Variants in LHPP observed in about 807,000 individuals in gnomAD.
LHPP encodes phospholysine phosphohistidine inorganic pyrophosphate phosphatase.
A neutral mutation model predicts 30.3 loss-of-function variants in LHPP; 24 were observed. That is an observed-to-expected ratio of 0.79 (90% confidence interval 0.57 to 1.11). LHPP has a LOEUF of 1.11. LHPP is among the 50% of genes most tolerant of loss of function. The pLI, the probability that LHPP is intolerant of heterozygous loss-of-function variation, is 0.00. For missense variants in LHPP, 356 were observed against 367.2 expected (o/e 0.97, Z 0.25); for synonymous variants, 150 against 157.1 (o/e 0.95, Z 0.34).
chr10:124,466,155 GGTCT>G (rs146080773), intron 1 of LHPP, among the ~76,000 whole-genome samples: 3,881 of 152,190 alleles, frequency 0.026, 156 homozygotes, highest in African/African-American at 0.086. Flanking sequence ...GGAGTTTTAG[GGTCT>G]GTCTGTTTAT....
chr10:124,572,800 C>T (rs747027122), intron 6 of LHPP, among the ~76,000 whole-genome samples: 1 of 152,148 alleles, frequency 6.6e-6, no homozygotes, highest in African/African-American at 2.4e-5. Flanking sequence ...TGACCATGGG[C>T]GTCATTTCAT....
At chr10:124,545,272 G>A (rs994884851) in intron 6 of LHPP, among the ~76,000 whole-genome samples, 1 of 152,238 alleles carries the variant, frequency 6.6e-6, no homozygotes, top group African/African-American at 2.4e-5. Context: ...TCTGGAAAGT[G>A]GGGGTGTAGT....
At position 124,613,275 on chromosome 10, in the gene LHPP, A is replaced by G. The variant is rs990695292; in HGVS notation, c.728A>G (p.Glu243Gly). Residue 243 changes from glutamate to glycine, a missense_variant, in exon 7 of 7, where the codon GAG becomes GGG. Physicochemically the swap from Glu to Gly is moderately conservative, Grantham distance 98. Transcript: ENST00000368842. ...VRTGKFRPSD[E>G]HHPEVKADGY... ...GCCATCCTCTCCAGGCCCAGTGACG[A>G]GCACCATCCGGAAGTGAAGGCTGAT... The G allele has an allele frequency of 1.2e-6, 2 of 1,613,274 alleles. No individual in the cohort carries two copies. The highest frequency in any genetic ancestry group is 1.7e-6 in the Non-Finnish European group (2 of 1,179,794).
intron 3 of LHPP, among the ~76,000 whole-genome samples, chr10:124,492,926 G>A (rs956804650): frequency 3.9e-5 from 6 of 152,124 alleles, no homozygotes; most frequent in African/African-American, 1.4e-4. Flanking sequence ...CGTGGCACAC[G>A]CCTATAATCC....
chr10:124,494,923 G>T (rs973723184), intron 3 of LHPP, among the ~76,000 whole-genome samples: 1 of 152,054 alleles, frequency 6.6e-6, no homozygotes, highest in Non-Finnish European at 1.5e-5. Flanking sequence ...TGCCAAGGGG[G>T]ACCAAGGTAA....
chr10:124,560,335 A>C (rs762567914), intron 6 of LHPP, among the ~76,000 whole-genome samples: 1 of 151,988 alleles, frequency 6.6e-6, no homozygotes, highest in Non-Finnish European at 1.5e-5. Context: ...CGTCTCCTCC[A>C]CTCCCATTTT....
intron 1 of LHPP, among the ~76,000 whole-genome samples, chr10:124,467,775 G>T (rs906522500): frequency 6.6e-6 from 1 of 151,580 alleles, no homozygotes; most frequent in Non-Finnish European, 1.5e-5. Flanking sequence ...GAGTGCAGTG[G>T]TATGATCTCG....
intron 6 of LHPP, among the ~76,000 whole-genome samples, chr10:124,519,228 G>A (rs539323824): frequency 1.3e-5 from 2 of 152,322 alleles, no homozygotes; most frequent in African/African-American, 2.4e-5. Context: ...GATTATACGC[G>A]TGAGCCACCG....
chr10:124,469,510 T>TG (rs34239081), intron 1 of LHPP, among the ~76,000 whole-genome samples: 15 of 150,774 alleles, frequency 9.9e-5, no homozygotes, highest in Non-Finnish European at 1.3e-4. Flanking sequence ...GCCCCTGAGG[T>TG]GGGGGGGGCT....
intron 5 of LHPP, among the ~76,000 whole-genome samples, chr10:124,511,812 A>T (rs930886013): frequency 1.3e-5 from 2 of 152,132 alleles, no homozygotes; most frequent in African/African-American, 4.8e-5. Context: ...CTTCAGGCTT[A>T]TATGTGTGTG....
At chr10:124,554,524 C>G (rs1488759607) in intron 6 of LHPP, among the ~76,000 whole-genome samples, 1 of 152,242 alleles carries the variant, frequency 6.6e-6, no homozygotes, top group Non-Finnish European at 1.5e-5. Flanking sequence ...TGGGATATGG[C>G]AGTTTAATAA....
At position 124,586,006 on chromosome 10, in the gene LHPP, AC is replaced by A. The variant is rs1318298108; in HGVS notation, c.717-27257del. Among the ~76,000 whole-genome samples, 85 of 152,090 alleles carry A rather than the reference AC, an allele frequency of 5.6e-4. 2 individuals carry two copies. Among genetic ancestry groups the A allele is most frequent in the Non-Finnish European group, 1.2e-4 (8 of 67,966 alleles). ...TCCATGTTGGCCAGGCTGGTCTCAA[AC>A]TCCTGAACTCAAGTGGTCTGCCTGC... On this transcript the variant is annotated intron_variant, in intron 6 of 6. Transcript: ENST00000368842.
chr10:124,510,396 C>T lies in LHPP; in HGVS notation c.625-6784C>T, dbSNP rs1240868129. Among the ~76,000 whole-genome samples the T allele has an allele frequency of 2.0e-5, 3 of 152,234 alleles. No homozygotes were observed. The highest frequency in any genetic ancestry group is 4.8e-5 in the African/African-American group (2 of 41,456). ...TGCTCCAGGCAGCTGTGCACCCAGC[C>T]GGCCCTGGCGTCCCGGCCCCCAGCC... is the stretch of plus-strand genomic sequence containing the variant. On this transcript the variant is annotated intron_variant, in intron 5 of 6. Transcript: ENST00000368842. The surrounding 1 kb of genome is among the most constrained non-coding windows in gnomAD (Gnocchi z 4.0).
rs942941005 is a variant in LHPP at position 124,510,309 on chromosome 10, C to A, written c.625-6871C>A. On this transcript the variant is annotated intron_variant, in intron 5 of 6. Transcript: ENST00000368842. This position sits in a 1 kb window ranked among gnomAD's most constrained non-coding sequence, Gnocchi z 4.0. ...TTCACCGATAGTAAATCTGGGAATCCCCTGGGGTCCTGAGCGCACTTTGGT... is the reference window on the plus strand; with the variant it reads ...TTCACCGATAGTAAATCTGGGAATCACCTGGGGTCCTGAGCGCACTTTGGT... Among the ~76,000 whole-genome samples, 26 of 152,178 alleles carry A rather than the reference C, an allele frequency of 1.7e-4. No individual in the cohort carries two copies. Among genetic ancestry groups the A allele is most frequent in the African/African-American group, 6.3e-4 (26 of 41,428 alleles).
intron 6 of LHPP, among the ~76,000 whole-genome samples, chr10:124,572,961 G>A (rs571981438): frequency 1.3e-5 from 2 of 152,310 alleles, no homozygotes; most frequent in African/African-American, 4.8e-5. Context: ...CGACACCCAC[G>A]CACTCAGGGC....
In LHPP at chr10:124,576,706, C is replaced by G. The variant is rs1362014926; in HGVS notation, c.717-36558C>G. Among the ~76,000 whole-genome samples, 2 of 152,030 alleles carry G rather than the reference C, an allele frequency of 1.3e-5. No individual in the cohort carries two copies. Among genetic ancestry groups the G allele is most frequent in the South Asian group, 2.1e-4 (1 of 4,822 alleles). On this transcript the variant is annotated intron_variant, in intron 6 of 6. Transcript: ENST00000368842. The surrounding 1 kb of genome is among the most constrained non-coding windows in gnomAD (Gnocchi z 4.2). Reference sequence around the variant, plus strand: ...AGCGAGGGATAGGCAGAGCTGAGGGCGGGGGTACTGGGGGGCTGAGGGGGG... The same window carrying G: ...AGCGAGGGATAGGCAGAGCTGAGGGGGGGGGTACTGGGGGGCTGAGGGGGG...
chr10:124,491,265 G>T lies in LHPP; in HGVS notation c.467+2690G>T, dbSNP rs190406887. 1.6e-4 allele frequency among the ~76,000 whole-genome samples: 25 copies of T among 152,364 alleles called. No homozygotes were observed. The East Asian group carries it at 1.7e-3, about 11-fold the overall frequency. ...GAAGTGTGGGAATTCCGAGGCGGTG[G>T]CGGAGGAAGTGTTTTCCATCTTCGG... On this transcript the variant is annotated intron_variant, in intron 3 of 6. Transcript: ENST00000368842.
At chr10:124,515,834 G>T (rs1010174462) in intron 5 of LHPP, among the ~76,000 whole-genome samples, 1 of 152,208 alleles carries the variant, frequency 6.6e-6, no homozygotes, top group Non-Finnish European at 1.5e-5. Flanking sequence ...CACAGGCACC[G>T]TTTTCCCTAG....
At chr10:124,491,215 T>C (rs922688628) in intron 3 of LHPP, among the ~76,000 whole-genome samples, 1 of 152,228 alleles carries the variant, frequency 6.6e-6, no homozygotes, top group African/African-American at 2.4e-5. Flanking sequence ...AAGGACACTT[T>C]GGAGTGTCTA....
Sources: gnomAD v4.1 joint callset for allele counts (sites outside exome capture counted in the v4.1 genomes callset) on GRCh38, gnomAD v4.1.1 for gene constraint, Gnocchi (gnomAD v3.1) non-coding constraint, MANE v1.5 for transcripts, NCBI Gene and HGNC (gene_info 2026-07-23, HGNC 2026-07-21) for gene names.